The following PLCB1 variants were observed in gnomAD, a reference collection of about 807,000 sequenced individuals.
The protein encoded by PLCB1 is 1-phosphatidylinositol 4,5-bisphosphate phosphodiesterase beta-1.
A neutral mutation model predicts 161.8 loss-of-function variants in PLCB1; 46 were observed. The observed-to-expected ratio is 0.28, with a 90% CI of 0.22 to 0.36. PLCB1 has a LOEUF of 0.36. Ranked by LOEUF, PLCB1 falls within the 10% of genes least tolerant of loss-of-function variation. The pLI, the probability that PLCB1 is intolerant of heterozygous loss-of-function variation, is 1.00. For missense variants in PLCB1, 1,016 were observed against 1,472.5 expected (o/e 0.69, Z 5.07); for synonymous variants, 517 against 503.7 (o/e 1.03, Z -0.35).
At chr20:8,461,790 T>C (rs996824258) in intron 3 of PLCB1, among the ~76,000 whole-genome samples, 1 of 152,188 alleles carries the variant, frequency 6.6e-6, no homozygotes, top group East Asian at 1.9e-4. Context: ...TTATTTTATG[T>C]GGAAGCAAAC....
chr20:8,549,094 C>T (rs1267912199), intron 3 of PLCB1, among the ~76,000 whole-genome samples: 1 of 152,070 alleles, frequency 6.6e-6, no homozygotes, highest in Non-Finnish European at 1.5e-5. Flanking sequence ...CAGCAAACCA[C>T]CATGGCACAT....
intron 3 of PLCB1, among the ~76,000 whole-genome samples, chr20:8,473,181 G>A (rs1311686175): frequency 6.6e-6 from 1 of 152,118 alleles, no homozygotes; most frequent in East Asian, 1.9e-4. Flanking sequence ...AAGATGAAAT[G>A]GATTTTGGTG....
intron 2 of PLCB1, among the ~76,000 whole-genome samples, chr20:8,344,654 C>T (rs1985931888): frequency 6.6e-6 from 1 of 152,196 alleles, no homozygotes; most frequent in South Asian, 2.1e-4. Context: ...TATATCTGCT[C>T]CCGGTGCTCA....
chr20:8,279,266 A>G (rs1982757560), intron 2 of PLCB1, among the ~76,000 whole-genome samples: 1 of 152,224 alleles, frequency 6.6e-6, no homozygotes, highest in Non-Finnish European at 1.5e-5. Flanking sequence ...TCCATCCCAG[A>G]TAAATGGATA....
At chr20:8,200,286 T>C (rs2052079519) in intron 2 of PLCB1, among the ~76,000 whole-genome samples, 1 of 152,212 alleles carries the variant, frequency 6.6e-6, no homozygotes, top group African/African-American at 2.4e-5. Context: ...TGCCATGAAA[T>C]AGGCCTTAAT....
intron 3 of PLCB1, among the ~76,000 whole-genome samples, chr20:8,605,396 C>G (rs1987726208): frequency 6.6e-6 from 1 of 151,916 alleles, no homozygotes; most frequent in African/African-American, 2.4e-5. Flanking sequence ...ATTTTGAATT[C>G]CCCTTAATTG....
chr20:8,609,497 G>A (rs1048494088), intron 3 of PLCB1, among the ~76,000 whole-genome samples: 3 of 152,088 alleles, frequency 2.0e-5, no homozygotes, highest in East Asian at 3.9e-4. Context: ...TGGCTCCAAC[G>A]CATCTATCTA....
At chr20:8,449,886 T>TA (rs1267318700) in intron 3 of PLCB1, among the ~76,000 whole-genome samples, 9 of 152,220 alleles carry the variant, frequency 5.9e-5, no homozygotes, top group Admixed American at 5.9e-4. Context: ...GTTACAGGCA[T>TA]AATCTTACTA....
chr20:8,622,997 T>C (rs965814149), intron 3 of PLCB1, among the ~76,000 whole-genome samples: 4 of 152,188 alleles, frequency 2.6e-5, no homozygotes, highest in Non-Finnish European at 5.9e-5. Flanking sequence ...GTCCAAGGAC[T>C]GTGGATACTT....
At chr20:8,691,334 T>C (rs1352382488) in intron 10 of PLCB1, among the ~76,000 whole-genome samples, 1 of 152,170 alleles carries the variant, frequency 6.6e-6, no homozygotes, top group African/African-American at 2.4e-5. Context: ...ATTTAGTTTT[T>C]ATACTTTACA....
At chr20:8,201,821 G>A (rs532671917) in intron 2 of PLCB1, among the ~76,000 whole-genome samples, 11 of 152,172 alleles carry the variant, frequency 7.2e-5, no homozygotes, top group East Asian at 3.9e-4. Context: ...TTAAATTCTC[G>A]TTGAGAAAAT....
chr20:8,629,351 G>A (rs1988456881), intron 4 of PLCB1, among the ~76,000 whole-genome samples: 1 of 152,180 alleles, frequency 6.6e-6, no homozygotes. Context: ...TTCACTAGGA[G>A]CAAGCCTTTC....
intron 2 of PLCB1, among the ~76,000 whole-genome samples, chr20:8,316,578 T>C (rs1984663527): frequency 6.6e-6 from 1 of 152,194 alleles, no homozygotes; most frequent in Admixed American, 6.5e-5. Flanking sequence ...ACAGCCAAAC[T>C]TCTGCTTTTA....
At chr20:8,331,599 C>T (rs1985366756) in intron 2 of PLCB1, among the ~76,000 whole-genome samples, 1 of 152,178 alleles carries the variant, frequency 6.6e-6, no homozygotes. Flanking sequence ...CAAACCATTA[C>T]ATCTTCAGTT....
intron 2 of PLCB1, among the ~76,000 whole-genome samples, chr20:8,243,916 A>T (rs111482995): frequency 0.023 from 3,544 of 152,106 alleles, 148 homozygotes; most frequent in African/African-American, 0.08. Flanking sequence ...CCTCAAAATT[A>T]AATGTGGTTC....
At chr20:8,750,236 A>G (rs147744154) in intron 23 of PLCB1, among the ~76,000 whole-genome samples, 173 of 152,302 alleles carry the variant, frequency 1.1e-3, no homozygotes, top group African/African-American at 3.9e-3. Context: ...CGCTGGAAGA[A>G]CTTGCTGGAC....
At chr20:8,462,243 T>C (rs533725067) in intron 3 of PLCB1, among the ~76,000 whole-genome samples, 1 of 152,214 alleles carries the variant, frequency 6.6e-6, no homozygotes, top group Non-Finnish European at 1.5e-5. Flanking sequence ...CGTTGAGTTG[T>C]CACTGAGGCT....
At chr20:8,229,049 C>T (rs970513338) in intron 2 of PLCB1, among the ~76,000 whole-genome samples, 1 of 152,130 alleles carries the variant, frequency 6.6e-6, no homozygotes, top group Non-Finnish European at 1.5e-5. Context: ...CTCCCCGCTA[C>T]TCTTCTCACC....
chr20:8,653,659 AT>A (rs1989377195), intron 7 of PLCB1: 1 of 151,854 alleles, frequency 6.6e-6, no homozygotes. Context: ...ATTTTTTCTG[AT>A]TTTTTTCCGA....
Sources: allele counts gnomAD v4.1 joint callset (sites outside exome capture counted in the v4.1 genomes callset), GRCh38; gene constraint gnomAD v4.1.1; transcripts MANE v1.5; gene names NCBI Gene and HGNC (gene_info 2026-07-23, HGNC 2026-07-21).